TBC1D5: variants seen among roughly 807,000 people sequenced by gnomAD.
The protein encoded by TBC1D5 is TBC1 domain family member 5, also known as TBC1 domain family, member 5.
In TBC1D5, 75 loss-of-function variants were observed where a neutral mutation model predicts 100.3. The ratio of observed to expected loss-of-function variants is 0.75; its 90% CI spans 0.62 to 0.91. TBC1D5 has a LOEUF of 0.91. Among genes scored for constraint, TBC1D5 ranks in the 40% least tolerant of loss-of-function variants. The probability of loss-of-function intolerance (pLI) is 0.00; values close to 1 mark genes in which losing one functional copy is unlikely to be tolerated. For missense variants in TBC1D5, 910 were observed against 942.4 expected, an observed-to-expected ratio of 0.97 and a Z score of 0.45; for synonymous variants, 323 against 325.6, an observed-to-expected ratio of 0.99 and a Z score of 0.09.
intron 13 of TBC1D5, among the ~76,000 whole-genome samples, chr3:17,353,402 T>C (rs2090863971): frequency 6.6e-6 from 1 of 152,058 alleles, no homozygotes; most frequent in Non-Finnish European, 1.5e-5. Context: ...AATACACTTT[T>C]TATATTTAAT....
chr3:17,602,439 A>G (rs999699089), intron 2 of TBC1D5, among the ~76,000 whole-genome samples: 1 of 152,150 alleles, frequency 6.6e-6, no homozygotes, highest in Non-Finnish European at 1.5e-5. Flanking sequence ...CTGAAAATGT[A>G]GATAGCTAAG....
intron 2 of TBC1D5, among the ~76,000 whole-genome samples, chr3:17,574,206 T>C (rs1284470265): frequency 6.6e-6 from 1 of 152,006 alleles, no homozygotes; most frequent in Non-Finnish European, 1.5e-5. Context: ...TCACCTACCA[T>C]GGCACATCTA....
intron 16 of TBC1D5, among the ~76,000 whole-genome samples, chr3:17,240,493 G>A (rs1481311161): frequency 1.3e-5 from 2 of 152,116 alleles, no homozygotes; most frequent in East Asian, 3.8e-4. Flanking sequence ...GTGAAGTAGA[G>A]CATTCTTAAT....
At chr3:17,440,429 C>T (rs776269522) in intron 3 of TBC1D5, among the ~76,000 whole-genome samples, 1 of 152,056 alleles carries the variant, frequency 6.6e-6, no homozygotes, top group Admixed American at 6.6e-5. Context: ...AGTTTGAGAC[C>T]AGCCTGGGCT....
intron 2 of TBC1D5, among the ~76,000 whole-genome samples, chr3:17,621,954 C>T (rs182088961): frequency 6.6e-6 from 1 of 152,274 alleles, no homozygotes; most frequent in Admixed American, 6.5e-5. Context: ...CCAGCAAACA[C>T]TAAGAACAGT....
rs1222641773 is a variant in TBC1D5 at position 17,304,215 on chromosome 3, T to C, written c.1138+3777A>G. 3.3e-5 allele frequency among the ~76,000 whole-genome samples: 5 copies of C among 152,128 alleles called. No individual in the cohort carries two copies. In the South Asian group the frequency reaches 6.2e-4, roughly 19 times the overall value. On this transcript the variant is annotated intron_variant, in intron 14 of 21. Transcript: ENST00000253692. ...CTCTGGGCCCTTATTTCCTCAATCA[T>C]TTTACTCAAAAAATATTTTTCTGGA...
At chr3:17,609,801 C>T (rs1460449387) in intron 2 of TBC1D5, among the ~76,000 whole-genome samples, 2 of 152,182 alleles carry the variant, frequency 1.3e-5, no homozygotes, top group East Asian at 3.9e-4. Flanking sequence ...TCAACACAGC[C>T]TTGGACAGTC....
chr3:17,692,088 T>C (rs1009444204), intron 1 of TBC1D5, among the ~76,000 whole-genome samples: 7 of 150,782 alleles, frequency 4.6e-5, no homozygotes, highest in Non-Finnish European at 1.0e-4. Context: ...ATAAAAAACA[T>C]AAGTACTTTT....
intron 2 of TBC1D5, among the ~76,000 whole-genome samples, chr3:17,619,354 C>G (rs1169095756): frequency 6.6e-6 from 1 of 152,158 alleles, no homozygotes; most frequent in Non-Finnish European, 1.5e-5. Flanking sequence ...TTAACACATA[C>G]TACAAGCATT....
chr3:17,507,670 C>A (rs561626510), intron 3 of TBC1D5, among the ~76,000 whole-genome samples: 1 of 152,100 alleles, frequency 6.6e-6, no homozygotes, highest in Non-Finnish European at 1.5e-5. Context: ...TATACTTTGA[C>A]TAATTTATGT....
intron 10 of TBC1D5, 49 bp from the exon 11 acceptor site, chr3:17,374,728 A>G (rs1445900019): frequency 3.2e-6 from 5 of 1,583,238 alleles, no homozygotes; most frequent in Non-Finnish European, 4.3e-6. Flanking sequence ...TTGAATAATT[A>G]AAGAGGCAGA....
intron 1 of TBC1D5, among the ~76,000 whole-genome samples, chr3:17,692,653 T>A (rs539031676): frequency 7.1e-4 from 108 of 152,296 alleles, no homozygotes; most frequent in Non-Finnish European, 1.2e-3. Flanking sequence ...TTAATTTTTT[T>A]AAAAATTATA....
At chr3:17,550,211 T>C (rs1318293915) in intron 2 of TBC1D5, among the ~76,000 whole-genome samples, 1 of 152,132 alleles carries the variant, frequency 6.6e-6, no homozygotes, top group Non-Finnish European at 1.5e-5. Context: ...CCCTTCTATG[T>C]GCTTTGGAAT....
intron 2 of TBC1D5, among the ~76,000 whole-genome samples, chr3:17,591,946 T>C (rs566303906): frequency 7.2e-5 from 11 of 152,310 alleles, no homozygotes; most frequent in Admixed American, 4.6e-4. Context: ...AGAAGACAAA[T>C]AGATCTTGGA....
chr3:17,344,188 T>G (rs1166804126), intron 13 of TBC1D5, among the ~76,000 whole-genome samples: 2 of 152,096 alleles, frequency 1.3e-5, no homozygotes, highest in African/African-American at 4.8e-5. Context: ...GCCCAAAATC[T>G]CCTTAAGCTG....
rs190895842 is a variant in TBC1D5 at position 17,381,869 on chromosome 3, T to C, written c.612+2044A>G. Among the ~76,000 whole-genome samples the C allele has an allele frequency of 2.1e-4, 32 of 152,206 alleles. No individual in the cohort carries two copies. The East Asian group carries it at 3.1e-3, about 15-fold the overall frequency. On this transcript the variant is annotated intron_variant, in intron 9 of 21. Coordinates refer to ENST00000253692, the Ensembl canonical transcript of TBC1D5. ...TGGAATTTATTCTCCAATAAATGTGTAATTTAATGGTTTTTCCAGACGGAA... is the reference window on the plus strand; with the variant it reads ...TGGAATTTATTCTCCAATAAATGTGCAATTTAATGGTTTTTCCAGACGGAA...
At chr3:17,687,352 A>G (rs2070451458) in intron 1 of TBC1D5, among the ~76,000 whole-genome samples, 1 of 152,142 alleles carries the variant, frequency 6.6e-6, no homozygotes, top group Non-Finnish European at 1.5e-5. Flanking sequence ...ACTTTAAGAA[A>G]CCAAGGAATG....
intron 13 of TBC1D5, among the ~76,000 whole-genome samples, chr3:17,319,461 G>A (rs562536685): frequency 5.4e-5 from 8 of 146,862 alleles, no homozygotes; most frequent in African/African-American, 1.3e-4. Context: ...TGCAAATGGC[G>A]AAAAAGAACT....
intron 15 of TBC1D5, among the ~76,000 whole-genome samples, chr3:17,267,168 C>T (rs1025648036): frequency 6.6e-6 from 1 of 152,092 alleles, no homozygotes; most frequent in Admixed American, 6.6e-5. Flanking sequence ...TTTTCTTTTA[C>T]TAATGTATTT....
Sources: allele counts gnomAD v4.1 joint callset (sites outside exome capture counted in the v4.1 genomes callset), GRCh38; gene constraint gnomAD v4.1.1; transcripts MANE v1.5; gene names NCBI Gene and HGNC (gene_info 2026-07-23, HGNC 2026-07-21).